NEB: variants seen among roughly 807,000 people sequenced by gnomAD.
NEB encodes nemaline myopathy type 2.
In NEB, 512 loss-of-function variants were observed where a neutral mutation model predicts 952.2. The ratio of observed to expected loss-of-function variants is 0.54; its 90% CI spans 0.50 to 0.58. The LOEUF (loss-of-function observed/expected upper bound fraction) is 0.58. NEB is among the 20% of genes least tolerant of loss of function. The pLI is 0.00. For missense variants in NEB, 8,428 were observed against 9,231.1 expected (o/e 0.91, Z 3.56); for synonymous variants, 2,900 against 3,149.8 (o/e 0.92, Z 2.66).
In NEB at chr2:151,559,271, CA is replaced by C. The variant is rs1451975067; in HGVS notation, c.19314+1320del. On this transcript the variant is annotated intron_variant, in intron 124 of 181. Transcript: ENST00000397345. ...ATCTCACGCCAGTTAGAATGGTGAT[CA>C]TTACAAAGTCAGGAAACAACAGATG... Among the ~76,000 whole-genome samples, 20 of 152,146 alleles carry C rather than the reference CA, an allele frequency of 1.3e-4. 1 individual carries two copies. The highest frequency in any genetic ancestry group is 4.8e-4 in the African/African-American group (20 of 41,430).
chr2:151,524,346 C>T lies in NEB; in HGVS notation c.22444G>A (p.Glu7482Lys). Residue 7482 changes from glutamate (E) to lysine (K), a missense_variant, in exon 153 of 182, where the codon GAA (glutamate) becomes AAA (lysine). By Grantham distance (56) the Glu-to-Lys change is moderately conservative. Around this residue, in one of 11 missense-constraint regions of NEB, gnomAD observed 3,374 missense variants for 3,651.5 expected, o/e 0.92. Transcript: ENST00000397345. ...AGCTTGGCTGCCTTCTTGGCCATTT[C>T]TATGTCTGGGCGACCGAGCATGCTT... is the stretch of plus-strand genomic sequence containing the variant. ...GLSMLGRPDI[E>K]MAKKAAKLSS... The T allele has an allele frequency of 4.3e-6, 7 of 1,613,924 alleles. No homozygotes were observed. The highest frequency in any genetic ancestry group is 5.9e-6 in the Non-Finnish European group (7 of 1,179,872).
At chr2:151,725,026 T>G in intron 6 of NEB, 65 bp from the exon 7 acceptor site, 4 of 1,247,356 alleles carry the variant, frequency 3.2e-6, no homozygotes, top group Non-Finnish European at 4.7e-6. Context: ...TTAAGGAATT[T>G]CTTATAACCA....
intron 120 of NEB, 48 bp from the exon 121 acceptor site, chr2:151,562,262 C>T (rs948477679): frequency 2.8e-6 from 4 of 1,435,562 alleles, no homozygotes; most frequent in African/African-American, 1.4e-5. Context: ...TCTGAATTTA[C>T]AATTGAGCAT....
At chr2:151,552,897 C>A in intron 127 of NEB, 121 bp from the exon 128 acceptor site, 1 of 677,776 alleles carries the variant, frequency 1.5e-6, no homozygotes, top group South Asian at 1.8e-5. Flanking sequence ...CACTACTCAA[C>A]AGACCGAGAT....
intron 46 of NEB, among the ~76,000 whole-genome samples, chr2:151,661,148 A>G (rs920589386): frequency 6.6e-5 from 10 of 152,158 alleles, no homozygotes; most frequent in African/African-American, 2.4e-4. Context: ...GATGGTCATC[A>G]AGATGTCTCT....
chr2:151,529,156 C>T, intron 146 of NEB, 54 bp downstream of exon 146: 1 of 1,204,894 alleles, frequency 8.3e-7, no homozygotes, highest in Non-Finnish European at 1.2e-6. Context: ...GGCCATGTGT[C>T]CTACAGAAGC....
rs368315700 is a variant in NEB, at chr2:151,570,123, G to A, written c.17388C>T (p.Asn5796=). The change falls in exon 109 of 182, where the codon AAC becomes AAT. Residue 5796 remains asparagine, a synonymous_variant. Coordinates refer to ENST00000397345, the MANE Select transcript of NEB (RefSeq NM_001164508.2). ...LHQWTCMPDQ[N]DVIQAKKAYE... is the part of the protein sequence containing the mutation. Reference sequence around the variant, plus strand: ...AGGCCTTCTTGGCCTGAATCACATCGTTCTGGTCGGGCATGCAGGTCCACT... The same window carrying A: ...AGGCCTTCTTGGCCTGAATCACATCATTCTGGTCGGGCATGCAGGTCCACT... The A allele has an allele frequency of 9.3e-6, 15 of 1,612,744 alleles. No individual in the cohort carries two copies. Among genetic ancestry groups the A allele is most frequent in the Admixed American group, 3.3e-5 (2 of 59,888 alleles).
At chr2:151,503,262 T>C in intron 166 of NEB, 87 bp downstream of exon 166, 1 of 976,466 alleles carries the variant, frequency 1.0e-6, no homozygotes, top group Non-Finnish European at 1.6e-6. Flanking sequence ...GAATTGCTGT[T>C]AAGATGTTAC....
At chr2:151,625,358 CCTTT>C (rs935344937) in intron 71 of NEB, among the ~76,000 whole-genome samples, 172 bp downstream of exon 71, 4 of 152,098 alleles carry the variant, frequency 2.6e-5, no homozygotes, top group African/African-American at 7.2e-5. Flanking sequence ...AATCTATCTA[CCTTT>C]CTATCTGCCT....
chr2:151,495,415 A>C (rs2059535388), intron 173 of NEB: 1 of 151,618 alleles, frequency 6.6e-6, no homozygotes, highest in Non-Finnish European at 1.5e-5. Context: ...AGGACCCAGC[A>C]ATCTGGCTTC....
intron 126 of NEB, 69 bp downstream of exon 126, chr2:151,553,759 G>A: frequency 7.0e-7 from 1 of 1,424,008 alleles, no homozygotes; most frequent in South Asian, 1.4e-5. Flanking sequence ...AAATGGGTGA[G>A]TTTGCTGCCT....
Position 151,567,175 on chromosome 2 carries a change from T to G in NEB, c.18149A>C (p.Gln6050Pro), listed in dbSNP as rs2096444835. Residue 6050 changes from glutamine (Q) to proline (P), a missense_variant, in exon 114 of 182, where the codon CAG becomes CCG. Gln to Pro is a moderately conservative substitution (Grantham distance 76). Around this residue, in one of 11 missense-constraint regions of NEB, gnomAD observed 3,374 missense variants for 3,651.5 expected, o/e 0.92. Coordinates refer to ENST00000397345, the MANE Select transcript of NEB (RefSeq NM_001164508.2). Reference sequence around the variant, plus strand: ...GAAACAAAAATCACTTACATCACTCTGTAGGTCATAGGCCTTTCTTGCCTG... The same window carrying G: ...GAAACAAAAATCACTTACATCACTCGGTAGGTCATAGGCCTTTCTTGCCTG... ...VIQARKAYDLQSDNVYRADLE... is the reference protein window; with the variant it reads ...VIQARKAYDLPSDNVYRADLE... The G allele has an allele frequency of 1.1e-5, 17 of 1,599,382 alleles. No individual in the cohort carries two copies. Among genetic ancestry groups the G allele is most frequent in the Non-Finnish European group, 1.4e-5 (16 of 1,171,278 alleles).
chr2:151,620,569 G>C (rs2098394269), intron 72 of NEB, among the ~76,000 whole-genome samples: 1 of 151,738 alleles, frequency 6.6e-6, no homozygotes, highest in Non-Finnish European at 1.5e-5. Context: ...CAAGTGATGG[G>C]GCAAACTCAG....
intron 34 of NEB, among the ~76,000 whole-genome samples, chr2:151,675,640 T>C (rs1463456316): frequency 2.0e-5 from 3 of 152,184 alleles, no homozygotes; most frequent in Non-Finnish European, 4.4e-5. Context: ...GAATGGAAGG[T>C]AAATTCAACC....
At chr2:151,665,781 A>C (rs1262108732) in intron 41 of NEB, among the ~76,000 whole-genome samples, 1 of 152,250 alleles carries the variant, frequency 6.6e-6, no homozygotes, top group African/African-American at 2.4e-5. Flanking sequence ...TGAGGAAAAT[A>C]AATGAAAAAT....
intron 124 of NEB, 133 bp downstream of exon 124, chr2:151,560,459 T>C: frequency 1.4e-6 from 1 of 721,274 alleles, no homozygotes; most frequent in Non-Finnish European, 2.4e-6. Context: ...TTTGGAATTA[T>C]TTCCTGGACA....
chr2:151,564,207 T>G (rs1320966999), intron 117 of NEB, among the ~76,000 whole-genome samples: 1 of 152,090 alleles, frequency 6.6e-6, no homozygotes, highest in Non-Finnish European at 1.5e-5. Context: ...CAGGCTGGAG[T>G]GCAGTGCCGT....
intron 117 of NEB, among the ~76,000 whole-genome samples, chr2:151,564,627 G>A (rs1309184544): frequency 1.3e-5 from 2 of 152,174 alleles, no homozygotes; most frequent in African/African-American, 4.8e-5. Flanking sequence ...TTCTCCTCTT[G>A]TTGGCTAGAG....
rs1196587526 is a variant in NEB at position 151,717,323 on chromosome 2, A to C, written c.822+93T>G. On this transcript the variant is annotated intron_variant, in intron 10 of 181. Transcript: ENST00000397345. ...AAAATACTCCTAGTGTTTGTGTTTT[A>C]TCTTCAGTCTCACCTTTAGTAACCC... is the stretch of plus-strand genomic sequence containing the variant. 4 of 874,448 alleles carry C rather than the reference A, an allele frequency of 4.6e-6. No homozygotes were observed. The East Asian group carries it at 1.0e-4, about 22-fold the overall frequency. 54.2% of individuals were successfully genotyped at this position (874,448 alleles called of 1,614,324 possible).
Sources: gnomAD v4.1 joint callset for allele counts (sites outside exome capture counted in the v4.1 genomes callset) on GRCh38, gnomAD v4.1.1 for gene constraint, gnomAD v4.1.1 regional missense constraint, MANE v1.5 for transcripts, NCBI Gene and HGNC (gene_info 2026-07-23, HGNC 2026-07-21) for gene names.